Variants in PPM1H observed in about 807,000 individuals in gnomAD.
The protein encoded by PPM1H is protein phosphatase 1H.
PPM1H carries 27 observed loss-of-function variants against 54.9 expected under a neutral mutation model. That is an observed-to-expected ratio of 0.49 (90% CI 0.36 to 0.68). The LOEUF is 0.68. Ranked by LOEUF, PPM1H falls within the 30% of genes least tolerant of loss-of-function variation. The probability of loss-of-function intolerance (pLI) is 0.00; values close to 1 mark genes in which losing one functional copy is unlikely to be tolerated. For synonymous variants in PPM1H, 305 were observed against 270.8 expected, an observed-to-expected ratio of 1.13 and a Z score of -1.24; for missense variants, 596 against 667.8, an observed-to-expected ratio of 0.89 and a Z score of 1.19.
At chr12:62,671,211 C>T (rs1002151180) in intron 8 of PPM1H, among the ~76,000 whole-genome samples, 3 of 152,096 alleles carry the variant, frequency 2.0e-5, no homozygotes, top group African/African-American at 7.2e-5. Flanking sequence ...TGAAGCTCCC[C>T]AGGACTCAGA....
chr12:62,646,809 A>G lies in PPM1H; in HGVS notation c.*1680T>C, dbSNP rs1249968564. The G allele has an allele frequency of 6.6e-6, 1 of 152,210 alleles. No homozygotes were observed. Among genetic ancestry groups the G allele is most frequent in the African/African-American group, 2.4e-5 (1 of 41,456 alleles). The allele number at this position is 152,210 out of a possible 1,614,324, so 9.4% of individuals were successfully genotyped here. A position where few individuals can be genotyped will look rare whatever the true frequency, so the allele number is the denominator to read the frequency against. On this transcript the variant is annotated 3_prime_UTR_variant, in exon 10 of 10. Coordinates refer to ENST00000228705, the MANE Select transcript of PPM1H (RefSeq NM_020700.2). ...TTCTTTCCTGAGCAGGAGGGGCTCC[A>G]GGCCTTTTCGAATACAATACCGACA...
At chr12:62,846,701 C>G (rs532906705) in intron 1 of PPM1H, among the ~76,000 whole-genome samples, 3 of 152,158 alleles carry the variant, frequency 2.0e-5, no homozygotes, top group African/African-American at 7.2e-5. Flanking sequence ...CTTTTCCACC[C>G]CCTGCAATGA....
intron 6 of PPM1H, among the ~76,000 whole-genome samples, chr12:62,710,659 T>G (rs1272410448): frequency 2.6e-5 from 4 of 152,046 alleles, no homozygotes; most frequent in Non-Finnish European, 5.9e-5. Flanking sequence ...AGACAAGAGC[T>G]CTACGTTTTC....
chr12:62,874,116 C>T lies in PPM1H; in HGVS notation c.246-41837G>A, dbSNP rs536934667. ...TAGACTGTAAAGAATGTTTTTATCCCGAAATGCAAGAAGCCACTGAAGACT... is the reference window on the plus strand; with the variant it reads ...TAGACTGTAAAGAATGTTTTTATCCTGAAATGCAAGAAGCCACTGAAGACT... On this transcript the variant is annotated intron_variant, in intron 1 of 9. Transcript: ENST00000228705. Among the ~76,000 whole-genome samples, 5 of 152,216 alleles carry T rather than the reference C, an allele frequency of 3.3e-5. No homozygotes were observed. The South Asian group carries it at 1.0e-3, about 32-fold the overall frequency.
intron 8 of PPM1H, among the ~76,000 whole-genome samples, chr12:62,671,192 A>G (rs1281611476): frequency 6.6e-6 from 1 of 152,042 alleles, no homozygotes; most frequent in Non-Finnish European, 1.5e-5. Context: ...ACATCAAACT[A>G]ATGGGCTCTG....
intron 1 of PPM1H, chr12:62,840,031 A>C (rs1182785100): frequency 6.6e-6 from 1 of 150,544 alleles, no homozygotes; most frequent in Non-Finnish European, 1.5e-5. Context: ...ATAGAATAAG[A>C]CCGTGCCTCT....
intron 8 of PPM1H, among the ~76,000 whole-genome samples, chr12:62,676,363 C>T (rs530335948): frequency 1.3e-5 from 2 of 152,264 alleles, no homozygotes; most frequent in South Asian, 2.1e-4. Context: ...GTGGCACAGC[C>T]AGTGTTGTGT....
At chr12:62,747,281 C>T (rs990716491) in intron 4 of PPM1H, among the ~76,000 whole-genome samples, 2 of 152,088 alleles carry the variant, frequency 1.3e-5, no homozygotes, top group African/African-American at 4.8e-5. Flanking sequence ...GGATTACAGG[C>T]ATGTGTCACC....
chr12:62,663,953 T>C (rs544907989), intron 9 of PPM1H, among the ~76,000 whole-genome samples: 27 of 150,416 alleles, frequency 1.8e-4, no homozygotes, highest in Non-Finnish European at 3.1e-4. Flanking sequence ...ATTTGCGCCA[T>C]TGCACTCCAG....
chr12:62,668,471 G>A (rs531614824), intron 8 of PPM1H, among the ~76,000 whole-genome samples: 1 of 152,306 alleles, frequency 6.6e-6, no homozygotes, highest in Non-Finnish European at 1.5e-5. Flanking sequence ...CGCCTCCAGG[G>A]TTCAAGCGAT....
chr12:62,662,134 C>T (rs1046191348), intron 9 of PPM1H, among the ~76,000 whole-genome samples: 32 of 152,296 alleles, frequency 2.1e-4, no homozygotes, highest in Middle Eastern at 3.4e-3. Context: ...CCACAGGTTA[C>T]CACTCCTTGG....
intron 2 of PPM1H, among the ~76,000 whole-genome samples, chr12:62,817,151 CT>C (rs2076873640): frequency 1.3e-3 from 74 of 58,814 alleles, no homozygotes; most frequent in South Asian, 2.7e-3. Context: ...AAAAAAAAAA[CT>C]AAAAAAAAGA....
chr12:62,764,229 C>G (rs2076527972), intron 4 of PPM1H, among the ~76,000 whole-genome samples: 1 of 152,150 alleles, frequency 6.6e-6, no homozygotes, highest in African/African-American at 2.4e-5. Context: ...ACTCTGGAGT[C>G]AGGATGTGGA....
chr12:62,655,381 T>G (rs2075838316), intron 9 of PPM1H, among the ~76,000 whole-genome samples: 1 of 152,176 alleles, frequency 6.6e-6, no homozygotes, highest in African/African-American at 2.4e-5. Flanking sequence ...AACAACTTTC[T>G]CTGAAGGAAA....
intron 3 of PPM1H, among the ~76,000 whole-genome samples, chr12:62,800,229 C>T (rs1297513811): frequency 2.0e-5 from 3 of 152,182 alleles, no homozygotes; most frequent in African/African-American, 7.2e-5. Flanking sequence ...GCCGTGAGAT[C>T]CTGGAACATG....
At chr12:62,883,185 T>C (rs572610871) in intron 1 of PPM1H, among the ~76,000 whole-genome samples, 2 of 152,312 alleles carry the variant, frequency 1.3e-5, no homozygotes, top group African/African-American at 4.8e-5. Context: ...TCTGCCTACC[T>C]GCAGCTCACC....
intron 9 of PPM1H, among the ~76,000 whole-genome samples, chr12:62,654,054 G>A (rs983738018): frequency 6.6e-6 from 1 of 151,800 alleles, no homozygotes; most frequent in African/African-American, 2.4e-5. Flanking sequence ...ACCAGCCTAG[G>A]CAATGTGGTG....
intron 5 of PPM1H, among the ~76,000 whole-genome samples, chr12:62,724,393 G>A (rs1339320951): frequency 6.6e-6 from 1 of 152,168 alleles, no homozygotes; most frequent in Non-Finnish European, 1.5e-5. Context: ...CTTTGATGGT[G>A]CTTTAAACCA....
chr12:62,925,198 T>C (rs1018517519), intron 1 of PPM1H, among the ~76,000 whole-genome samples: 5 of 152,254 alleles, frequency 3.3e-5, no homozygotes, highest in African/African-American at 9.6e-5. Flanking sequence ...GTTGAACTTT[T>C]GTTTTATAAA....
Sources: allele counts gnomAD v4.1 joint callset (sites outside exome capture counted in the v4.1 genomes callset), GRCh38; gene constraint gnomAD v4.1.1; transcripts MANE v1.5; gene names NCBI Gene and HGNC (gene_info 2026-07-23, HGNC 2026-07-21).